Variants in TRDN observed in about 807,000 individuals in gnomAD.
The protein encoded by TRDN is triadin in skeletal muscle.
TRDN carries 161 observed loss-of-function variants against 149.7 expected under a neutral mutation model. The ratio of observed to expected loss-of-function variants is 1.08; its 90% CI spans 0.95 to 1.23. The LOEUF (loss-of-function observed/expected upper bound fraction) is 1.23, where lower values mean the gene tolerates loss of function less well. Among genes scored for constraint, TRDN ranks in the 50% most tolerant of loss-of-function variants. TRDN has a pLI of 0.00. For missense variants in TRDN, 896 were observed against 823.5 expected, an observed-to-expected ratio of 1.09 and a Z score of -1.08; for synonymous variants, 294 against 250.5, an observed-to-expected ratio of 1.17 and a Z score of -1.64.
chr6:123,479,154 G>T (rs543173379), intron 9 of TRDN, among the ~76,000 whole-genome samples: 2 of 152,214 alleles, frequency 1.3e-5, no homozygotes, highest in Non-Finnish European at 2.9e-5. Flanking sequence ...TTTTTAGAGT[G>T]CTTGGTAAAA....
At position 123,271,562 on chromosome 6, in the gene TRDN, C is replaced by T. The variant is rs1316069305; in HGVS notation, c.1673-376G>A. ...ATAGGAAGGAGCAATTTTTTATCTT[C>T]TTGTACTGATACCTCCCTGGGAACC... On this transcript the variant is annotated intron_variant, in intron 29 of 40. Transcript: ENST00000334268. Among the ~76,000 whole-genome samples the T allele has an allele frequency of 7.2e-5, 11 of 152,092 alleles. No individual in the cohort carries two copies. The East Asian group carries it at 1.9e-3, about 27-fold the overall frequency.
At chr6:123,561,262 C>T (rs1781977808) in intron 2 of TRDN, among the ~76,000 whole-genome samples, 1 of 152,062 alleles carries the variant, frequency 6.6e-6, no homozygotes, top group African/African-American at 2.4e-5. Context: ...TTCAGTGAAA[C>T]ATTTATATAC....
At chr6:123,449,597 C>T (rs4579378) in intron 10 of TRDN, among the ~76,000 whole-genome samples, 21,918 of 152,062 alleles carry the variant, frequency 0.14, 2,156 homozygotes, top group East Asian at 0.49. Flanking sequence ...TAAGAATAAT[C>T]GGTTTTCCTG....
At chr6:123,608,032 A>T (rs1048802243) in intron 1 of TRDN, among the ~76,000 whole-genome samples, 10 of 152,170 alleles carry the variant, frequency 6.6e-5, no homozygotes, top group Admixed American at 6.6e-5. Context: ...AAGAAGTGCC[A>T]ATAAGGTGTC....
intron 13 of TRDN, among the ~76,000 whole-genome samples, chr6:123,390,808 G>C (rs1161949122): frequency 6.6e-6 from 1 of 151,838 alleles, no homozygotes; most frequent in Non-Finnish European, 1.5e-5. Flanking sequence ...CTGGGTTTTT[G>C]GTTTTCACAT....
At chr6:123,242,515 A>C (rs531900571) in intron 38 of TRDN, among the ~76,000 whole-genome samples, 16 of 152,294 alleles carry the variant, frequency 1.1e-4, no homozygotes, top group African/African-American at 3.8e-4. Flanking sequence ...GAAATTAGAA[A>C]GCAAGAGGCT....
intron 8 of TRDN, among the ~76,000 whole-genome samples, chr6:123,500,965 C>T (rs894395541): frequency 6.6e-6 from 1 of 152,034 alleles, no homozygotes; most frequent in Non-Finnish European, 1.5e-5. Context: ...TCCTAGAGGT[C>T]ATCAGAAAAC....
At chr6:123,322,744 C>T (rs1036370400) in intron 23 of TRDN, among the ~76,000 whole-genome samples, 2 of 151,520 alleles carry the variant, frequency 1.3e-5, no homozygotes, top group Non-Finnish European at 2.9e-5. Flanking sequence ...GGATTCATGC[C>T]ATTCTCCTGC....
At chr6:123,219,266 T>A (rs1582731465) in intron 40 of TRDN, among the ~76,000 whole-genome samples, 2 of 151,778 alleles carry the variant, frequency 1.3e-5, no homozygotes, top group South Asian at 4.1e-4. Context: ...GCAACAAAGG[T>A]AGCAGCCAGG....
intron 15 of TRDN, among the ~76,000 whole-genome samples, chr6:123,381,896 G>A (rs1163876444): frequency 6.6e-6 from 1 of 151,104 alleles, no homozygotes; most frequent in Non-Finnish European, 1.5e-5. Flanking sequence ...AGGATATGCA[G>A]TATTTATTTC....
At chr6:123,239,902 C>G (rs1468154501) in intron 38 of TRDN, among the ~76,000 whole-genome samples, 1 of 151,896 alleles carries the variant, frequency 6.6e-6, no homozygotes, top group Non-Finnish European at 1.5e-5. Context: ...AAGAGTAGAA[C>G]TGATTAAATG....
At chr6:123,301,388 T>A (rs1043353919) in intron 24 of TRDN, among the ~76,000 whole-genome samples, 2 of 151,950 alleles carry the variant, frequency 1.3e-5, no homozygotes, top group African/African-American at 4.8e-5. Flanking sequence ...AGTAAGGTCA[T>A]TGATAAGTTG....
intron 40 of TRDN, among the ~76,000 whole-genome samples, chr6:123,220,923 A>G (rs1231915514): frequency 6.6e-6 from 1 of 151,810 alleles, no homozygotes; most frequent in Non-Finnish European, 1.5e-5. Flanking sequence ...AAAAATGTCT[A>G]ATTTGGAAGA....
chr6:123,230,863 A>T (rs567837501), intron 38 of TRDN, among the ~76,000 whole-genome samples: 3 of 152,160 alleles, frequency 2.0e-5, no homozygotes, highest in Non-Finnish European at 4.4e-5. Flanking sequence ...AGATAAAGTT[A>T]CTTTTCCAGC....
Position 123,316,470 on chromosome 6 carries a change from C to G in TRDN, c.1497G>C (p.Lys499Asn). ...EKEPETKKDE[K>N]MSKAGKEVKP... Reference sequence around the variant, plus strand: ...AAATATCCTTACCTGCTTTGGACATCTTTTCATCTTTTTTAGTTTCAGGTT... The same window carrying G: ...AAATATCCTTACCTGCTTTGGACATGTTTTCATCTTTTTTAGTTTCAGGTT... The change falls in exon 24 of 41, where the codon AAG becomes AAC. Residue 499 changes from lysine (K) to asparagine (N), a missense_variant. Coordinates refer to ENST00000334268, the MANE Select transcript of TRDN (RefSeq NM_006073.4). 6.2e-7 allele frequency: 1 copy of G among 1,610,188 alleles called. No individual in the cohort carries two copies. Among genetic ancestry groups the G allele is most frequent in the Non-Finnish European group, 8.5e-7 (1 of 1,177,560 alleles).
intron 38 of TRDN, among the ~76,000 whole-genome samples, chr6:123,232,064 TC>T (rs917080191): frequency 2.0e-5 from 3 of 151,848 alleles, no homozygotes; most frequent in African/African-American, 7.3e-5. Flanking sequence ...TTGGGTCTTA[TC>T]CACAAAGAAG....
In TRDN at chr6:123,309,043, A is replaced by T. The variant is rs199952077; in HGVS notation, c.1510+7414T>A. Among the ~76,000 whole-genome samples, 16 of 152,050 alleles carry T rather than the reference A, an allele frequency of 1.1e-4. No individual in the cohort carries two copies. The East Asian group carries it at 2.9e-3, about 28-fold the overall frequency. The stretch of plus-strand genomic sequence containing the variant: ...TTTATGCAACCTTTATGTTGCTCCT[A>T]CTTTTATTTTATAATACCTAGATTG... On this transcript the variant is annotated intron_variant, in intron 24 of 40. Transcript: ENST00000334268.
intron 9 of TRDN, among the ~76,000 whole-genome samples, chr6:123,478,737 T>C (rs757150992): frequency 6.6e-6 from 1 of 152,186 alleles, no homozygotes; most frequent in Non-Finnish European, 1.5e-5. Flanking sequence ...GTTCAATACA[T>C]GGGATTTCAA....
chr6:123,444,729 A>T (rs1247814007), intron 10 of TRDN, among the ~76,000 whole-genome samples: 3 of 152,180 alleles, frequency 2.0e-5, no homozygotes, highest in Non-Finnish European at 2.9e-5. Context: ...TTTTAGCAAG[A>T]AGGGTTGTTG....
Sources: allele counts gnomAD v4.1 joint callset (sites outside exome capture counted in the v4.1 genomes callset), GRCh38; gene constraint gnomAD v4.1.1; transcripts MANE v1.5; gene names NCBI Gene and HGNC (gene_info 2026-07-23, HGNC 2026-07-21).